The following SPIN1 variants were observed in gnomAD, a reference collection of about 807,000 sequenced individuals.
The protein encoded by SPIN1 is spindlin-1.
SPIN1 carries 3 observed loss-of-function variants against 26.0 expected under a neutral mutation model. The observed-to-expected ratio is 0.12, with a 90% CI of 0.05 to 0.30. The LOEUF (loss-of-function observed/expected upper bound fraction) is 0.30, where lower values mean the gene tolerates loss of function less well. SPIN1 is among the 10% of genes least tolerant of loss of function. The pLI, the probability that SPIN1 is intolerant of heterozygous loss-of-function variation, is 1.00. For synonymous variants in SPIN1, 101 were observed against 116.5 expected, an observed-to-expected ratio of 0.87 and a Z score of 0.86; for missense variants, 126 against 333.4, an observed-to-expected ratio of 0.38 and a Z score of 4.84.
chr9:88,409,465 C>G (rs1268302856), intron 1 of SPIN1, among the ~76,000 whole-genome samples: 1 of 151,970 alleles, frequency 6.6e-6, no homozygotes, highest in South Asian at 2.1e-4. Context: ...ATGCTTATTT[C>G]TATCTCAGGC....
chr9:88,389,714 T>A (rs751548926), intron 1 of SPIN1, among the ~76,000 whole-genome samples: 2 of 152,204 alleles, frequency 1.3e-5, no homozygotes, highest in Non-Finnish European at 2.9e-5. Flanking sequence ...TGTCTTAACT[T>A]TTTTTCTATT....
intron 5 of SPIN1, 23 bp downstream of exon 5, chr9:88,468,628 T>C (rs1197876516): frequency 1.5e-6 from 2 of 1,372,788 alleles, no homozygotes; most frequent in Non-Finnish European, 9.6e-7. Context: ...TGGCAACTTT[T>C]ATATGTGATA....
At chr9:88,422,041 A>T (rs1827678443) in intron 1 of SPIN1, among the ~76,000 whole-genome samples, 1 of 152,142 alleles carries the variant, frequency 6.6e-6, no homozygotes, top group African/African-American at 2.4e-5. Flanking sequence ...ATTCCGTTGT[A>T]GTGAAGGGTC....
At chr9:88,470,611 T>C (rs1477827792) in intron 5 of SPIN1, among the ~76,000 whole-genome samples, 1 of 151,934 alleles carries the variant, frequency 6.6e-6, no homozygotes, top group Non-Finnish European at 1.5e-5. Context: ...CTTTTTTTTT[T>C]TGAGACAGAG....
intron 1 of SPIN1, among the ~76,000 whole-genome samples, chr9:88,389,600 T>C (rs1257842141): frequency 6.6e-6 from 1 of 152,226 alleles, no homozygotes; most frequent in Admixed American, 6.5e-5. Flanking sequence ...GGCAATTTTA[T>C]CACGTTAATC....
chr9:88,458,921 C>T (rs773591139), intron 3 of SPIN1, among the ~76,000 whole-genome samples: 2 of 152,196 alleles, frequency 1.3e-5, no homozygotes, highest in African/African-American at 2.4e-5. Flanking sequence ...TCATAGTCTG[C>T]GATCCAAATG....
chr9:88,416,731 C>G (rs192431952), intron 1 of SPIN1: 1 of 152,388 alleles, frequency 6.6e-6, no homozygotes, highest in East Asian at 1.9e-4. Flanking sequence ...TCAAGTGATT[C>G]TCCTGCCTCA....
intron 1 of SPIN1, among the ~76,000 whole-genome samples, chr9:88,419,365 T>C (rs1177059087): frequency 6.6e-6 from 1 of 152,172 alleles, no homozygotes; most frequent in South Asian, 2.1e-4. Flanking sequence ...GGTCTAACCC[T>C]AGCCAGTAGG....
At chr9:88,443,089 C>T (rs1828170725) in intron 2 of SPIN1, among the ~76,000 whole-genome samples, 1 of 142,622 alleles carries the variant, frequency 7.0e-6, no homozygotes, top group Non-Finnish European at 1.5e-5. Flanking sequence ...CACTGCCCTC[C>T]AGCCTGGGTG....
At chr9:88,410,159 T>G (rs1827405903) in intron 1 of SPIN1, among the ~76,000 whole-genome samples, 2 of 119,282 alleles carry the variant, frequency 1.7e-5, no homozygotes, top group African/African-American at 1.0e-4. Context: ...CATGCATATA[T>G]TTAGTGTGTG....
intron 2 of SPIN1, among the ~76,000 whole-genome samples, chr9:88,435,394 T>G (rs1188064288): frequency 6.6e-6 from 1 of 151,982 alleles, no homozygotes; most frequent in Non-Finnish European, 1.5e-5. Context: ...TTTGAATTTT[T>G]TAGGGTTTTA....
chr9:88,404,743 C>T (rs1239312925), intron 1 of SPIN1, among the ~76,000 whole-genome samples: 1 of 151,948 alleles, frequency 6.6e-6, no homozygotes, highest in Non-Finnish European at 1.5e-5. Flanking sequence ...TGGTGAAACC[C>T]TGTCTCTACT....
chr9:88,451,236 T>C (rs1026143885), intron 3 of SPIN1, among the ~76,000 whole-genome samples: 3 of 152,162 alleles, frequency 2.0e-5, no homozygotes, highest in Admixed American at 2.0e-4. Context: ...TGGCCCTCCT[T>C]CTGTCTCTTC....
chr9:88,391,538 T>C (rs916042980), intron 1 of SPIN1: 7 of 152,324 alleles, frequency 4.6e-5, no homozygotes, highest in African/African-American at 1.7e-4. Flanking sequence ...GTAACAGGTA[T>C]CTCAATTTTG....
At chr9:88,388,961 G>A (rs1366841630) in intron 1 of SPIN1, among the ~76,000 whole-genome samples, 1 of 151,168 alleles carries the variant, frequency 6.6e-6, no homozygotes, top group Admixed American at 6.6e-5. Flanking sequence ...CCAGAATGCA[G>A]GCGGGGAGGG....
intron 1 of SPIN1, among the ~76,000 whole-genome samples, chr9:88,423,433 T>G (rs1827708709): frequency 6.8e-6 from 1 of 148,070 alleles, no homozygotes; most frequent in Non-Finnish European, 1.5e-5. Flanking sequence ...GTTTGTGGGT[T>G]TTTTGTTTGT....
At chr9:88,421,760 A>G (rs1827670895) in intron 1 of SPIN1, among the ~76,000 whole-genome samples, 1 of 152,020 alleles carries the variant, frequency 6.6e-6, no homozygotes, top group Admixed American at 6.6e-5. Flanking sequence ...TTTCATGTAC[A>G]AAGTCCACCT....
intron 1 of SPIN1, among the ~76,000 whole-genome samples, chr9:88,390,273 G>A (rs542340557): frequency 6.6e-6 from 1 of 151,924 alleles, no homozygotes; most frequent in South Asian, 2.1e-4. Flanking sequence ...TCCTTAAAGT[G>A]TATCTCAGAT....
chr9:88,406,045 G>A (rs925851004), intron 1 of SPIN1, among the ~76,000 whole-genome samples: 1 of 145,952 alleles, frequency 6.9e-6, no homozygotes, highest in African/African-American at 2.5e-5. Flanking sequence ...GTGTGTGTAC[G>A]TGTACGTGTA....
Sources: gnomAD v4.1 joint callset for allele counts (sites outside exome capture counted in the v4.1 genomes callset) on GRCh38, gnomAD v4.1.1 for gene constraint, MANE v1.5 for transcripts, NCBI Gene and HGNC (gene_info 2026-07-23, HGNC 2026-07-21) for gene names.